Variants in KCNA2 observed in about 807,000 individuals in gnomAD.
The protein encoded by KCNA2 is potassium channel, voltage gated shaker related subfamily A, member 2.
In KCNA2, 11 loss-of-function variants were observed where a neutral mutation model predicts 33.4. The ratio of observed to expected loss-of-function variants is 0.33; its 90% CI spans 0.21 to 0.55. KCNA2 has a LOEUF of 0.55. KCNA2 is among the 20% of genes least tolerant of loss of function. The pLI is 0.93. For missense variants in KCNA2, 291 were observed against 621.6 expected, an observed-to-expected ratio of 0.47 and a Z score of 5.66; for synonymous variants, 222 against 231.3, an observed-to-expected ratio of 0.96 and a Z score of 0.37.
Position 110,600,049 on chromosome 1 carries a change from A to T in KCNA2, c.*3234T>A, listed in dbSNP as rs1649268673. The T allele has an allele frequency of 1.0e-6, 1 of 984,464 alleles. No individual in the cohort carries two copies. 61.0% of individuals were successfully genotyped at this position (984,464 alleles called of 1,614,324 possible). A position where few individuals can be genotyped will look rare whatever the true frequency, so the allele number is the denominator to read the frequency against. ...TTCTCAGGAGTGAAATCTGGTAGTG[A>T]GAGAAAAGAATAGAGAAAGAGATTC... On this transcript the variant is annotated 3_prime_UTR_variant, in exon 3 of 3. Transcript: ENST00000316361.
chr1:110,614,858 A>T (rs1649998428), intron 1 of KCNA2, among the ~76,000 whole-genome samples: 1 of 152,164 alleles, frequency 6.6e-6, no homozygotes, highest in African/African-American at 2.4e-5. Context: ...CAGAGCTGGG[A>T]TTCCAGCCCA....
chr1:110,631,122 G>T (rs909769314), intron 1 of KCNA2, among the ~76,000 whole-genome samples: 2 of 152,120 alleles, frequency 1.3e-5, no homozygotes, highest in Non-Finnish European at 2.9e-5. Flanking sequence ...CTTCACACCT[G>T]CAAGGTCCTC....
chr1:110,596,205 G>A lies in KCNA2; in HGVS notation c.*7078C>T. 1.0e-6 allele frequency: 1 copy of A among 984,962 alleles called. No homozygotes were observed. The highest frequency in any genetic ancestry group is 1.1e-4 in the East Asian group (1 of 8,816). 61.0% of individuals were successfully genotyped at this position (984,962 alleles called of 1,614,324 possible). A position where few individuals can be genotyped will look rare whatever the true frequency, so the allele number is the denominator to read the frequency against. On this transcript the variant is annotated 3_prime_UTR_variant, in exon 3 of 3. Coordinates refer to ENST00000316361, the MANE Select transcript of KCNA2 (RefSeq NM_004974.4). ...GAGAGGTGAAAAGAATGCAAAGGAG[G>A]TCATTCAAAAAATGCACATAAATGC...
chr1:110,614,966 A>T (rs191873309), intron 1 of KCNA2, among the ~76,000 whole-genome samples: 1 of 152,372 alleles, frequency 6.6e-6, no homozygotes, highest in African/African-American at 2.4e-5. Flanking sequence ...CATTTTGAAA[A>T]CGAATCCTGC....
Position 110,599,094 on chromosome 1 carries a change from G to A in KCNA2, c.*4189C>T, listed in dbSNP as rs1174138539. The A allele has an allele frequency of 1.0e-6, 1 of 985,304 alleles. No homozygotes were observed. The highest frequency in any genetic ancestry group is 1.2e-6 in the Non-Finnish European group (1 of 829,948). 61.0% of individuals were successfully genotyped at this position (985,304 alleles called of 1,614,324 possible). On this transcript the variant is annotated 3_prime_UTR_variant, in exon 3 of 3. Transcript: ENST00000316361. ...GTTGTTACCTTTTCTGTAGAGACTG[G>A]GAGCTGCGACCATCACTGGAAGGGA...
chr1:110,596,873 C>A lies in KCNA2; in HGVS notation c.*6410G>T. The A allele has an allele frequency of 1.0e-6, 1 of 985,350 alleles. No homozygotes were observed. The highest frequency in any genetic ancestry group is 1.2e-6 in the Non-Finnish European group (1 of 829,902). 61.0% of individuals were successfully genotyped at this position (985,350 alleles called of 1,614,324 possible). A position where few individuals can be genotyped will look rare whatever the true frequency, so the allele number is the denominator to read the frequency against. On this transcript the variant is annotated 3_prime_UTR_variant, in exon 3 of 3. Coordinates refer to ENST00000316361, the MANE Select transcript of KCNA2 (RefSeq NM_004974.4). ...AGATCAAAAAAGGATGGAATGGGAC[C>A]CTGGGGTTGCCAGCCTTCCCTGATT... is the stretch of plus-strand genomic sequence containing the variant.
Position 110,600,098 on chromosome 1 carries a change from GAC to G in KCNA2, c.*3183_*3184del. 4 of 985,058 alleles carry G rather than the reference GAC, an allele frequency of 4.1e-6. No individual in the cohort carries two copies. The highest frequency in any genetic ancestry group is 4.8e-6 in the Non-Finnish European group (4 of 829,866). The allele number at this position is 985,058 out of a possible 1,614,324, so 61.0% of individuals were successfully genotyped here. A position where few individuals can be genotyped will look rare whatever the true frequency, so the allele number is the denominator to read the frequency against. On this transcript the variant is annotated 3_prime_UTR_variant, in exon 3 of 3. Coordinates refer to ENST00000316361, the MANE Select transcript of KCNA2 (RefSeq NM_004974.4). Reference sequence around the variant, plus strand: ...TCCTTGAAAGATCCTGGGGGATATAGACACAGGCCAGGCAAAGGTGATTACAT... The same window carrying G: ...TCCTTGAAAGATCCTGGGGGATATAGACAGGCCAGGCAAAGGTGATTACAT...
Position 110,593,768 on chromosome 1 carries a change from T to A in KCNA2, c.*9515A>T. 8.5e-7 allele frequency: 1 copy of A among 1,176,724 alleles called. No individual in the cohort carries two copies. The highest frequency in any genetic ancestry group is 1.5e-5 in the African/African-American group (1 of 65,120). 72.9% of individuals were successfully genotyped at this position (1,176,724 alleles called of 1,614,324 possible). Reference sequence around the variant, plus strand: ...TCATTGAGGCACATATGTACACATATATGTATAACCTATGTACAAATATCA... The same window carrying A: ...TCATTGAGGCACATATGTACACATAAATGTATAACCTATGTACAAATATCA... On this transcript the variant is annotated 3_prime_UTR_variant, in exon 3 of 3. Transcript: ENST00000316361.
chr1:110,618,794 G>A (rs1218373699), intron 1 of KCNA2, among the ~76,000 whole-genome samples: 2 of 151,752 alleles, frequency 1.3e-5, no homozygotes, highest in Admixed American at 6.6e-5. Flanking sequence ...ACAGCCTTTG[G>A]CTAATCCAAC....
intron 1 of KCNA2, among the ~76,000 whole-genome samples, chr1:110,627,307 C>T (rs879233227): frequency 6.6e-6 from 1 of 152,132 alleles, no homozygotes; most frequent in Admixed American, 6.5e-5. Flanking sequence ...TAATGAGACG[C>T]TGGAAAGAAA....
At chr1:110,620,788 C>T (rs1650235860) in intron 1 of KCNA2, among the ~76,000 whole-genome samples, 1 of 152,178 alleles carries the variant, frequency 6.6e-6, no homozygotes, top group Admixed American at 6.5e-5. Context: ...CCCACACACC[C>T]CCAGCGGCCC....
upstream of KCNA2, among the ~76,000 whole-genome samples, chr1:110,609,238 A>C (rs971872137): frequency 2.0e-5 from 3 of 152,222 alleles, no homozygotes; most frequent in Non-Finnish European, 4.4e-5. Flanking sequence ...CCATCTGATC[A>C]TATGTATACA....
intron 1 of KCNA2, among the ~76,000 whole-genome samples, chr1:110,615,687 A>G (rs116717652): frequency 0.011 from 1,748 of 152,308 alleles, 36 homozygotes; most frequent in African/African-American, 0.041. Context: ...AAAGGTAGAC[A>G]AGTGAGGAGG....
In KCNA2 at chr1:110,596,819, T is replaced by C; in HGVS notation, c.*6464A>G. On this transcript the variant is annotated 3_prime_UTR_variant, in exon 3 of 3. Coordinates refer to ENST00000316361, the MANE Select transcript of KCNA2 (RefSeq NM_004974.4). ...GTTTCCCCATCAGTTAACTGAGGTT[T>C]TGCTGTACATATGTGTATAGAGCAA... The C allele has an allele frequency of 1.0e-6, 1 of 985,448 alleles. No homozygotes were observed. Among genetic ancestry groups the C allele is most frequent in the Non-Finnish European group, 1.2e-6 (1 of 829,934 alleles). 61.0% of individuals were successfully genotyped at this position (985,448 alleles called of 1,614,324 possible).
At position 110,594,728 on chromosome 1, in the gene KCNA2, G is replaced by C; in HGVS notation, c.*8555C>G. Reference sequence around the variant, plus strand: ...AAGGCAGAACTGGGGCAAGCACAGAGCATGTTCAAACCCTCAGGAGCTGAG... The same window carrying C: ...AAGGCAGAACTGGGGCAAGCACAGACCATGTTCAAACCCTCAGGAGCTGAG... On this transcript the variant is annotated 3_prime_UTR_variant, in exon 3 of 3. Coordinates refer to ENST00000316361, the MANE Select transcript of KCNA2 (RefSeq NM_004974.4). The C allele has an allele frequency of 1.0e-6, 1 of 985,438 alleles. No homozygotes were observed. The highest frequency in any genetic ancestry group is 1.2e-6 in the Non-Finnish European group (1 of 829,958). The allele number at this position is 985,438 out of a possible 1,614,324, so 61.0% of individuals were successfully genotyped here. A position where few individuals can be genotyped will look rare whatever the true frequency, so the allele number is the denominator to read the frequency against.
upstream of KCNA2, chr1:110,607,744 C>G (rs956194590): frequency 6.6e-6 from 1 of 152,426 alleles, no homozygotes; most frequent in African/African-American, 2.4e-5. Flanking sequence ...ACCCCAGGCC[C>G]ACAGCGGGAT....
intron 1 of KCNA2, among the ~76,000 whole-genome samples, chr1:110,628,929 G>A (rs1650472857): frequency 6.6e-6 from 1 of 152,206 alleles, no homozygotes. Context: ...TTAGAGCTCA[G>A]CAGAGCTGAT....
chr1:110,611,726 G>GAAA (rs11378342), intron 1 of KCNA2, among the ~76,000 whole-genome samples: 1 of 137,464 alleles, frequency 7.3e-6, no homozygotes. Flanking sequence ...ATCCTGTCTT[G>GAAA]AAAAAAAAAA....
rs572840714 is a variant in KCNA2, at chr1:110,619,418, A to T, written c.-496+11977T>A. 1.1e-4 allele frequency among the ~76,000 whole-genome samples: 17 copies of T among 152,334 alleles called. 1 individual carries two copies. The South Asian group carries it at 3.5e-3, about 32-fold the overall frequency. On this transcript the variant is annotated intron_variant, in intron 1 of 4. Coordinates refer to the KCNA2 transcript ENST00000369770. Reference sequence around the variant, plus strand: ...GCTATGAAATCTGCTCCCACTCCCAAGGGTATGGCTGGTTCTTTGTAAAGG... The same window carrying T: ...GCTATGAAATCTGCTCCCACTCCCATGGGTATGGCTGGTTCTTTGTAAAGG...
Sources: gnomAD v4.1 joint callset for allele counts (sites outside exome capture counted in the v4.1 genomes callset) on GRCh38, gnomAD v4.1.1 for gene constraint, MANE v1.5 for transcripts, NCBI Gene and HGNC (gene_info 2026-07-23, HGNC 2026-07-21) for gene names.